The following LRSAM1 variants were observed in gnomAD, a reference collection of about 807,000 sequenced individuals.
The protein encoded by LRSAM1 is E3 ubiquitin-protein ligase LRSAM1.
A neutral mutation model predicts 118.1 loss-of-function variants in LRSAM1; 96 were observed. That is an observed-to-expected ratio of 0.81 (90% confidence interval 0.69 to 0.96). The LOEUF (loss-of-function observed/expected upper bound fraction) is 0.96, where lower values mean the gene tolerates loss of function less well. Among genes scored for constraint, LRSAM1 ranks in the 40% least tolerant of loss-of-function variants. The probability of loss-of-function intolerance (pLI) is 0.00; values close to 1 mark genes in which losing one functional copy is unlikely to be tolerated. For synonymous variants in LRSAM1, 322 were observed against 364.2 expected (o/e 0.88, Z 1.32); for missense variants, 804 against 915.5 (o/e 0.88, Z 1.57).
intron 18 of LRSAM1, among the ~76,000 whole-genome samples, chr9:127,488,096 C>T (rs867686554): frequency 3.9e-5 from 6 of 152,192 alleles, no homozygotes; most frequent in Middle Eastern, 6.8e-3. Flanking sequence ...GCACAGAGGA[C>T]GCTGTGGGAC....
chr9:127,474,223 C>T (rs1295490617), intron 11 of LRSAM1, among the ~76,000 whole-genome samples: 4 of 151,440 alleles, frequency 2.6e-5, no homozygotes, highest in African/African-American at 9.7e-5. Context: ...CTCCCTCTGT[C>T]TGGAATCTCC....
chr9:127,497,126 G>T (rs916617413), intron 23 of LRSAM1, 127 bp from the exon 24 acceptor site: 2 of 956,612 alleles, frequency 2.1e-6, no homozygotes, highest in African/African-American at 1.6e-5. Context: ...GCCAGGCCCC[G>T]GAAGGCTTCC....
intron 7 of LRSAM1, among the ~76,000 whole-genome samples, chr9:127,460,283 C>G (rs1019345462): frequency 6.6e-6 from 1 of 152,230 alleles, no homozygotes; most frequent in African/African-American, 2.4e-5. Flanking sequence ...CAGGTGTTAG[C>G]CACCGTGCCT....
chr9:127,483,553 CATGTTATCAGGGGGAGTG>C (rs1835617406), intron 16 of LRSAM1, among the ~76,000 whole-genome samples: 9 of 152,076 alleles, frequency 5.9e-5, no homozygotes, highest in Admixed American at 5.9e-4. Context: ...ATCCCATTAG[CATGTTATCAGGGGGAGTG>C]TTCATAAAAA....
In LRSAM1 at chr9:127,465,996, C is replaced by CA. The variant is rs112364362; in HGVS notation, c.529-1736dup. Among the ~76,000 whole-genome samples the CA allele has an allele frequency of 0.43, 65,336 of 151,728 alleles. 14,915 individuals are homozygous for CA. Among genetic ancestry groups the CA allele is most frequent in the Non-Finnish European group, 0.5 (33,809 of 67,904 alleles). On this transcript the variant is annotated intron_variant, in intron 9 of 25. Coordinates refer to ENST00000300417, the MANE Select transcript of LRSAM1 (RefSeq NM_001005373.4). The surrounding 1 kb of genome is among the most constrained non-coding windows in gnomAD (Gnocchi z 4.1). ...AAAAGTCATACTGTATATTGTAAAA[C>CA]AAAAAAAATGCAAATATTAAGAAAC...
At chr9:127,459,210 C>A in intron 7 of LRSAM1, 139 bp downstream of exon 7, 2 of 761,474 alleles carry the variant, frequency 2.6e-6, no homozygotes, top group Non-Finnish European at 4.3e-6. Context: ...CCCCTTGGCC[C>A]TTTGGGGTTT....
At chr9:127,462,537 G>A (rs781207483) in intron 9 of LRSAM1, among the ~76,000 whole-genome samples, 164 bp downstream of exon 9, 13 of 152,212 alleles carry the variant, frequency 8.5e-5, no homozygotes, top group African/African-American at 2.4e-4. Context: ...GTGAACATTC[G>A]TAATTATATG....
intron 9 of LRSAM1, among the ~76,000 whole-genome samples, chr9:127,466,952 G>A (rs1309053554): frequency 6.6e-6 from 1 of 152,068 alleles, no homozygotes; most frequent in South Asian, 2.1e-4. Context: ...TGCAGTGTTC[G>A]TGCCACTGCA....
chr9:127,501,384 AT>A (rs1836386568), intron 25 of LRSAM1, among the ~76,000 whole-genome samples: 1 of 151,926 alleles, frequency 6.6e-6, no homozygotes, highest in Non-Finnish European at 1.5e-5. Flanking sequence ...TTAGGAAAAA[AT>A]TTCCCAAATC....
rs755362254 is a variant in LRSAM1 at position 127,467,789 on chromosome 9, G to T, written c.578G>T (p.Cys193Phe). The change falls in exon 10 of 26, where the codon TGT becomes TTT. Residue 193 changes from cysteine to phenylalanine, a missense_variant. Physicochemically the swap from Cys to Phe is radical, Grantham distance 205. Coordinates refer to ENST00000300417, the MANE Select transcript of LRSAM1 (RefSeq NM_001005373.4). ...SAMVYPPREV[C>F]GAGTAAILQF... is the part of the protein sequence containing the mutation. ...ATGGTCTACCCGCCGCGGGAGGTGT[G>T]TGGTGCCGGCACTGCGGCCATCTTG... is the stretch of plus-strand genomic sequence containing the variant. 1.2e-6 allele frequency: 2 copies of T among 1,609,906 alleles called. No individual in the cohort carries two copies. The highest frequency in any genetic ancestry group is 1.7e-6 in the Non-Finnish European group (2 of 1,179,086).
At chr9:127,468,442 C>T (rs1262987629) in intron 10 of LRSAM1, among the ~76,000 whole-genome samples, 2 of 152,134 alleles carry the variant, frequency 1.3e-5, no homozygotes, top group African/African-American at 4.8e-5. Flanking sequence ...GGGAGGAGAG[C>T]AGGATGCCCT....
chr9:127,458,772 A>G (rs1362364556), intron 6 of LRSAM1, among the ~76,000 whole-genome samples: 2 of 152,322 alleles, frequency 1.3e-5, no homozygotes, highest in South Asian at 2.1e-4. Context: ...GTTTTATAGC[A>G]TAGTTTTTCA....
chr9:127,495,605 C>T (rs1300283093), intron 22 of LRSAM1, among the ~76,000 whole-genome samples, 187 bp downstream of exon 22: 8 of 152,136 alleles, frequency 5.3e-5, no homozygotes, highest in South Asian at 4.1e-4. Context: ...GTGAGGGGGA[C>T]GACAAGGCAC....
intron 14 of LRSAM1, among the ~76,000 whole-genome samples, chr9:127,480,787 A>G (rs528279848): frequency 2.6e-5 from 4 of 152,252 alleles, no homozygotes; most frequent in African/African-American, 7.2e-5. Flanking sequence ...TCCCAGGTTC[A>G]AGCAATTCTC....
chr9:127,485,445 T>C (rs1374803859), intron 16 of LRSAM1, among the ~76,000 whole-genome samples: 2 of 152,066 alleles, frequency 1.3e-5, no homozygotes, highest in Non-Finnish European at 2.9e-5. Flanking sequence ...TAGTCCCAGC[T>C]ACTCGGGAGG....
rs148059394 is a variant in LRSAM1 at position 127,467,797 on chromosome 9, G to A, written c.586G>A (p.Gly196Ser). The change falls in exon 10 of 26, where the codon GGC becomes AGC. Residue 196 changes from glycine (G) to serine (S), a missense_variant. Gly to Ser is a moderately conservative substitution (Grantham distance 56, BLOSUM62 0). Coordinates refer to ENST00000300417, the MANE Select transcript of LRSAM1 (RefSeq NM_001005373.4). ...CCCGCCGCGGGAGGTGTGTGGTGCC[G>A]GCACTGCGGCCATCTTGCAGTTCCT... is the stretch of plus-strand genomic sequence containing the variant. Reference protein sequence around the residue: ...VYPPREVCGAGTAAILQFLCK... With the variant: ...VYPPREVCGASTAAILQFLCK... The A allele has an allele frequency of 6.7e-4, 1,071 of 1,607,632 alleles. No individual in the cohort carries two copies. The highest frequency in any genetic ancestry group is 1.1e-3 in the Admixed American group (64 of 59,326).
Position 127,487,660 on chromosome 9 carries a change from G to A in LRSAM1, c.1260-16G>A, listed in dbSNP as rs1835780033. On this transcript the variant is annotated splice_polypyrimidine_tract_variant and intron_variant, in intron 17 of 25. Coordinates refer to ENST00000300417, the MANE Select transcript of LRSAM1 (RefSeq NM_001005373.4). ...AAACGTTCCAAGAATGAATGAATTT[G>A]CTGTCTTTCTGGCAGCATGGCCGAA... 1.9e-6 allele frequency: 3 copies of A among 1,611,546 alleles called. No homozygotes were observed. The highest frequency in any genetic ancestry group is 1.3e-5 in the African/African-American group (1 of 75,026).
chr9:127,457,217 G>A, intron 5 of LRSAM1, 99 bp from the exon 6 acceptor site: 1 of 1,315,118 alleles, frequency 7.6e-7, no homozygotes, highest in Non-Finnish European at 1.1e-6. Flanking sequence ...GAGCAAGATG[G>A]TGGGGCGTGG....
intron 15 of LRSAM1, among the ~76,000 whole-genome samples, chr9:127,481,849 A>G (rs535668622): frequency 1.3e-5 from 2 of 152,094 alleles, no homozygotes; most frequent in South Asian, 4.1e-4. Flanking sequence ...TGAGGTCAGG[A>G]GTTTGAGACC....
Sources: allele counts gnomAD v4.1 joint callset (sites outside exome capture counted in the v4.1 genomes callset), GRCh38; gene constraint gnomAD v4.1.1; non-coding constraint Gnocchi (gnomAD v3.1); transcripts MANE v1.5; gene names NCBI Gene and HGNC (gene_info 2026-07-23, HGNC 2026-07-21).